The following EPB41L4A variants were observed in gnomAD, a reference collection of about 807,000 sequenced individuals.
The protein encoded by EPB41L4A is erythrocyte membrane protein band 4.1 like 4A.
In EPB41L4A, 100 loss-of-function variants were observed where a neutral mutation model predicts 108.6. The ratio of observed to expected loss-of-function variants is 0.92; its 90% CI spans 0.78 to 1.09. EPB41L4A has a LOEUF of 1.09. Ranked by LOEUF, EPB41L4A falls within the 50% of genes least tolerant of loss-of-function variation. The probability of loss-of-function intolerance (pLI) is 0.00; values close to 1 mark genes in which losing one functional copy is unlikely to be tolerated. For synonymous variants in EPB41L4A, 319 were observed against 289.0 expected, an observed-to-expected ratio of 1.10 and a Z score of -1.05; for missense variants, 1,030 against 842.7, an observed-to-expected ratio of 1.22 and a Z score of -2.75.
intron 2 of EPB41L4A, among the ~76,000 whole-genome samples, chr5:112,307,164 A>G (rs1754742691): frequency 6.6e-6 from 1 of 152,208 alleles, no homozygotes. Flanking sequence ...GCCATCTGCA[A>G]AGACGACTAC....
At position 112,280,299 on chromosome 5, in the gene EPB41L4A, G is replaced by C. The variant is rs759983252; in HGVS notation, c.229C>G (p.Leu77Val). ...QTYWLDPAKT[L>V]AEHKELINTG... The stretch of plus-strand genomic sequence containing the variant: ...TTGATCAGTTCTTTGTGTTCAGCAA[G>C]GGTTTTTGCAGGATCCAGCCAATAC... The change falls in exon 3 of 23, where the codon CTT (leucine) becomes GTT (valine). Residue 77 changes from leucine (L) to valine (V), a missense_variant. Coordinates refer to ENST00000261486, the MANE Select transcript of EPB41L4A (RefSeq NM_022140.5). 1.2e-6 allele frequency: 2 copies of C among 1,614,054 alleles called. No individual in the cohort carries two copies. The highest frequency in any genetic ancestry group is 1.3e-5 in the African/African-American group (1 of 75,034).
chr5:112,205,354 T>C (rs1317107946), intron 14 of EPB41L4A, 67 bp downstream of exon 14: 4 of 1,322,154 alleles, frequency 3.0e-6, no homozygotes, highest in Non-Finnish European at 4.4e-6. Flanking sequence ...GATTCCTTTA[T>C]TCAATGAGCT....
intron 1 of EPB41L4A, among the ~76,000 whole-genome samples, chr5:112,370,741 CCT>C (rs1759442987): frequency 6.6e-6 from 1 of 152,162 alleles, no homozygotes; most frequent in Admixed American, 6.5e-5. Context: ...ACGGCAAAAC[CCT>C]GTCTCTACTA....
chr5:112,346,216 A>ATTTTTTTTTTTTTTTTTTTT lies in EPB41L4A; in HGVS notation c.100-38746_100-38727dup, dbSNP rs561328868. Among the ~76,000 whole-genome samples, 62 of 67,340 alleles carry ATTTTTTTTTTTTTTTTTTTT rather than the reference A, an allele frequency of 9.2e-4. 15 individuals are homozygous for ATTTTTTTTTTTTTTTTTTTT. The highest frequency in any genetic ancestry group is 1.5e-3 in the Non-Finnish European group (48 of 32,334). The allele number at this position is 67,340 out of a possible 152,430, so 44.2% of individuals were successfully genotyped here. ...AATTCTTTAAAGTTAGGTACATTGCATTTTTTTTTTTTTTTTTTTTTTTTT... is the reference window on the plus strand; with the variant it reads ...AATTCTTTAAAGTTAGGTACATTGCATTTTTTTTTTTTTTTTTTTTTTTTTTTTTTTTTTTTTTTTTTTTT... On this transcript the variant is annotated intron_variant, in intron 1 of 22. Transcript: ENST00000261486.
At chr5:112,213,280 C>T (rs529609362) in intron 12 of EPB41L4A, among the ~76,000 whole-genome samples, 2 of 151,932 alleles carry the variant, frequency 1.3e-5, no homozygotes, top group South Asian at 4.2e-4. Flanking sequence ...AGTAATATGA[C>T]TTAATTCATG....
At chr5:112,299,433 T>A (rs1180593730) in intron 2 of EPB41L4A, among the ~76,000 whole-genome samples, 2 of 152,332 alleles carry the variant, frequency 1.3e-5, no homozygotes, top group South Asian at 2.1e-4. Flanking sequence ...TTATTCAGAC[T>A]TGTTTTGTGG....
In EPB41L4A at chr5:112,303,535, T is replaced by C. The variant is rs927999283; in HGVS notation, c.204+3851A>G. On this transcript the variant is annotated intron_variant, in intron 2 of 22. Transcript: ENST00000261486. ...GGAACAGGCAGTGGAATCACAATCG[T>C]AGAGAAGACTGAACAGGAATAACTA... Among the ~76,000 whole-genome samples the C allele has an allele frequency of 3.3e-5, 5 of 152,008 alleles. No homozygotes were observed. The South Asian group carries it at 8.3e-4, about 25-fold the overall frequency.
chr5:112,220,728 CCT>C (rs1347174729), intron 12 of EPB41L4A, among the ~76,000 whole-genome samples: 1 of 152,126 alleles, frequency 6.6e-6, no homozygotes, highest in South Asian at 2.1e-4. Flanking sequence ...ATCTCCCAAC[CCT>C]CTGTCATTTT....
chr5:112,305,950 T>A (rs961076880), intron 2 of EPB41L4A, among the ~76,000 whole-genome samples: 1 of 152,100 alleles, frequency 6.6e-6, no homozygotes, highest in Non-Finnish European at 1.5e-5. Flanking sequence ...CTACAAAACT[T>A]TCAATAAACT....
At chr5:112,402,657 TG>T (rs1561646930) in intron 1 of EPB41L4A, among the ~76,000 whole-genome samples, 1 of 152,066 alleles carries the variant, frequency 6.6e-6, no homozygotes, top group Non-Finnish European at 1.5e-5. Flanking sequence ...ACCCCTCCCC[TG>T]GGGAGAAAAA....
At chr5:112,171,120 G>C (rs1421765939) in intron 18 of EPB41L4A, 128 bp from the exon 19 acceptor site, 2 of 765,948 alleles carry the variant, frequency 2.6e-6, no homozygotes, top group Admixed American at 4.9e-5. Flanking sequence ...GGAAAGACTG[G>C]ACAGGGAGAG....
rs1426371663 is a variant in EPB41L4A, at chr5:112,275,060, C to G, written c.335+266G>C. ...ATACAAAGGCTGAATGCATGCTTAACAATAATGATACAGAAATATTTCATC... is the reference window on the plus strand; with the variant it reads ...ATACAAAGGCTGAATGCATGCTTAAGAATAATGATACAGAAATATTTCATC... On this transcript the variant is annotated intron_variant, in intron 4 of 22. Coordinates refer to ENST00000261486, the MANE Select transcript of EPB41L4A (RefSeq NM_022140.5). 3.3e-5 allele frequency among the ~76,000 whole-genome samples: 5 copies of G among 152,142 alleles called. No homozygotes were observed. The South Asian group carries it at 8.3e-4, about 25-fold the overall frequency.
intron 15 of EPB41L4A, among the ~76,000 whole-genome samples, chr5:112,203,693 T>C (rs955251839): frequency 6.6e-6 from 1 of 152,206 alleles, no homozygotes; most frequent in Non-Finnish European, 1.5e-5. Context: ...GGCTTATCTT[T>C]AAGTGTAGTT....
chr5:112,307,761 T>C (rs554040950), intron 1 of EPB41L4A, among the ~76,000 whole-genome samples: 26 of 152,266 alleles, frequency 1.7e-4, no homozygotes, highest in Middle Eastern at 3.4e-3. Flanking sequence ...ATAAATTATC[T>C]TCAGGACAAA....
intron 4 of EPB41L4A, among the ~76,000 whole-genome samples, chr5:112,268,796 C>G (rs1176851215): frequency 7.4e-6 from 1 of 135,984 alleles, no homozygotes; most frequent in Non-Finnish European, 1.5e-5. Flanking sequence ...TGAACCATAA[C>G]TGCACCACTG....
chr5:112,242,557 C>T (rs1749868456), intron 9 of EPB41L4A, among the ~76,000 whole-genome samples: 1 of 152,210 alleles, frequency 6.6e-6, no homozygotes, highest in Admixed American at 6.5e-5. Flanking sequence ...TTCTTTCAAA[C>T]TCCTGCTAAT....
intron 2 of EPB41L4A, among the ~76,000 whole-genome samples, chr5:112,286,870 A>C (rs1753318261): frequency 6.6e-6 from 1 of 152,070 alleles, no homozygotes; most frequent in Non-Finnish European, 1.5e-5. Context: ...GGATGAGAAA[A>C]AAAAAAAAAA....
At chr5:112,368,381 C>G (rs1457694260) in intron 1 of EPB41L4A, among the ~76,000 whole-genome samples, 1 of 152,086 alleles carries the variant, frequency 6.6e-6, no homozygotes. Context: ...ATCTGTTGTC[C>G]CCTCTCCCCT....
chr5:112,204,107 T>C (rs1311396013), intron 15 of EPB41L4A, among the ~76,000 whole-genome samples: 2 of 150,692 alleles, frequency 1.3e-5, no homozygotes, highest in African/African-American at 2.4e-5. Flanking sequence ...TTATTATATA[T>C]TATATACTAT....
Sources: allele counts gnomAD v4.1 joint callset (sites outside exome capture counted in the v4.1 genomes callset), GRCh38; gene constraint gnomAD v4.1.1; transcripts MANE v1.5; gene names NCBI Gene and HGNC (gene_info 2026-07-23, HGNC 2026-07-21).